The following ADAMTSL3 variants were observed in gnomAD, a reference collection of about 807,000 sequenced individuals.
The protein encoded by ADAMTSL3 is ADAMTS like 3.
ADAMTSL3 carries 128 observed loss-of-function variants against 201.7 expected under a neutral mutation model. The ratio of observed to expected loss-of-function variants is 0.63; its 90% CI spans 0.55 to 0.73. ADAMTSL3 has a LOEUF of 0.73. Ranked by LOEUF, ADAMTSL3 falls within the 30% of genes least tolerant of loss-of-function variation. The probability of loss-of-function intolerance (pLI) is 0.00; values close to 1 mark genes in which losing one functional copy is unlikely to be tolerated. For missense variants in ADAMTSL3, 1,990 were observed against 2,119.6 expected (o/e 0.94, Z 1.20); for synonymous variants, 738 against 748.4 (o/e 0.99, Z 0.23).
intron 28 of ADAMTSL3, among the ~76,000 whole-genome samples, chr15:84,031,908 A>G (rs1051743780): frequency 2.6e-5 from 4 of 152,172 alleles, no homozygotes; most frequent in Non-Finnish European, 4.4e-5. Context: ...ATAAGGGTGG[A>G]GTTTGCTTTC....
intron 7 of ADAMTSL3, among the ~76,000 whole-genome samples, chr15:83,839,982 A>T (rs2064343991): frequency 6.6e-6 from 1 of 152,186 alleles, no homozygotes; most frequent in South Asian, 2.1e-4. Context: ...TGGAGGGTTT[A>T]TCTGAAACAT....
intron 6 of ADAMTSL3, 68 bp downstream of exon 6, chr15:83,820,115 C>G (rs986062896): frequency 5.2e-6 from 7 of 1,352,188 alleles, no homozygotes; most frequent in Admixed American, 1.7e-5. Flanking sequence ...TAAACAGAAC[C>G]CTTTTCTTCT....
rs1423169369 is a variant in ADAMTSL3, at chr15:83,773,670, G to C, written c.317+20G>C. The C allele has an allele frequency of 2.5e-6, 4 of 1,601,048 alleles. No individual in the cohort carries two copies. Among genetic ancestry groups the C allele is most frequent in the Non-Finnish European group, 3.4e-6 (4 of 1,175,594 alleles). ...TGGAAGGTTAGTGGTGGCTTCACTTGCTCCTGCATGTGGAATGTGCCAGTG... is the reference window on the plus strand; with the variant it reads ...TGGAAGGTTAGTGGTGGCTTCACTTCCTCCTGCATGTGGAATGTGCCAGTG... On this transcript the variant is annotated intron_variant, in intron 4 of 29. Coordinates refer to ENST00000286744, the MANE Select transcript of ADAMTSL3 (RefSeq NM_207517.3).
At chr15:83,931,866 G>T (rs1159814264) in intron 17 of ADAMTSL3, among the ~76,000 whole-genome samples, 1 of 152,142 alleles carries the variant, frequency 6.6e-6, no homozygotes, top group Non-Finnish European at 1.5e-5. Context: ...ATGATTTGGG[G>T]AAAGGGAAGA....
At chr15:83,859,126 G>A (rs1299335809) in intron 8 of ADAMTSL3, among the ~76,000 whole-genome samples, 1 of 152,176 alleles carries the variant, frequency 6.6e-6, no homozygotes, top group Non-Finnish European at 1.5e-5. Flanking sequence ...TTACATGTAA[G>A]GATTTTTAAA....
chr15:83,976,893 G>A (rs1056265708), intron 20 of ADAMTSL3, among the ~76,000 whole-genome samples: 4 of 152,088 alleles, frequency 2.6e-5, no homozygotes, highest in African/African-American at 9.7e-5. Context: ...GAGTAAATTG[G>A]CAGAAGTTGA....
intron 2 of ADAMTSL3, among the ~76,000 whole-genome samples, chr15:83,673,791 T>C (rs951034325): frequency 3.9e-5 from 6 of 152,192 alleles, no homozygotes; most frequent in African/African-American, 1.4e-4. Context: ...TGACTGACAA[T>C]CCCTGATAAG....
At chr15:83,794,090 G>A (rs2063385394) in intron 4 of ADAMTSL3, among the ~76,000 whole-genome samples, 1 of 152,170 alleles carries the variant, frequency 6.6e-6, no homozygotes, top group Non-Finnish European at 1.5e-5. Context: ...TTAAGGAAAT[G>A]CAAATTAAAA....
chr15:83,950,732 T>C (rs936618521), intron 19 of ADAMTSL3, among the ~76,000 whole-genome samples: 17 of 152,116 alleles, frequency 1.1e-4, no homozygotes, highest in Admixed American at 2.0e-4. Context: ...TTTGGTTAAG[T>C]TGATTACTTG....
chr15:83,737,936 C>A (rs1015185738), intron 3 of ADAMTSL3, among the ~76,000 whole-genome samples: 7 of 152,102 alleles, frequency 4.6e-5, no homozygotes, highest in Admixed American at 6.6e-5. Flanking sequence ...CACTATTAAG[C>A]CCTGAGAAAA....
chr15:83,666,679 A>T lies in ADAMTSL3; in HGVS notation c.69+10849A>T, dbSNP rs142100632. ...ATAGGGAGACCCCCATCCCTACAAC[A>T]GATAAAGATAAATTATCTGGGCGTG... On this transcript the variant is annotated intron_variant, in intron 2 of 29. Transcript: ENST00000286744. Among the ~76,000 whole-genome samples the T allele has an allele frequency of 7.0e-3, 1,064 of 152,096 alleles. 8 individuals carry two copies. Among genetic ancestry groups the T allele is most frequent in the Non-Finnish European group, 0.012 (834 of 68,000 alleles).
At chr15:83,902,258 A>G (rs550187880) in intron 15 of ADAMTSL3, among the ~76,000 whole-genome samples, 24 of 152,202 alleles carry the variant, frequency 1.6e-4, no homozygotes, top group African/African-American at 5.5e-4. Context: ...CTATCTAGGT[A>G]GGGCACAAGT....
rs907013004 is a variant in ADAMTSL3, at chr15:83,989,367, C to T, written c.3844+549C>T. Among the ~76,000 whole-genome samples the T allele has an allele frequency of 1.3e-4, 20 of 152,162 alleles. No homozygotes were observed. The South Asian group carries it at 2.3e-3, about 17-fold the overall frequency. ...TGTGCCCAGGTTATGCCAATGCTGC[C>T]GGTCTGAGGACCACACTGAAAACAG... On this transcript the variant is annotated intron_variant, in intron 22 of 29. Transcript: ENST00000286744.
At chr15:83,857,510 T>C (rs2064764198) in intron 7 of ADAMTSL3, among the ~76,000 whole-genome samples, 1 of 152,196 alleles carries the variant, frequency 6.6e-6, no homozygotes, top group South Asian at 2.1e-4. Context: ...AGTATGGATG[T>C]TCTTGTTTAT....
intron 2 of ADAMTSL3, among the ~76,000 whole-genome samples, chr15:83,668,055 C>T (rs949660760): frequency 1.3e-5 from 2 of 152,052 alleles, no homozygotes; most frequent in Non-Finnish European, 2.9e-5. Flanking sequence ...TTTTCTGTCT[C>T]GTACCCCATG....
chr15:83,943,028 G>A lies in ADAMTSL3; in HGVS notation c.2436G>A (p.Lys812=), dbSNP rs1418329957. The A allele has an allele frequency of 6.2e-7, 1 of 1,614,066 alleles. No homozygotes were observed. Among genetic ancestry groups the A allele is most frequent in the Non-Finnish European group, 8.5e-7 (1 of 1,179,948 alleles). The stretch of plus-strand genomic sequence containing the variant: ...AAGGACCCAAGGCATCGTCTCACAA[G>A]TCCTGTGCCAGGACAGACTGTCCTC... ...LCQGPKASSH[K]SCARTDCPPH... Residue 812 remains lysine (K), a synonymous_variant, in exon 19 of 30, where the codon AAG becomes AAA. Transcript: ENST00000286744.
chr15:83,825,458 T>A (rs1052208412), intron 6 of ADAMTSL3, among the ~76,000 whole-genome samples: 4 of 151,972 alleles, frequency 2.6e-5, no homozygotes, highest in Non-Finnish European at 4.4e-5. Context: ...AAAAACTTTT[T>A]AAAAATTAGC....
At chr15:84,026,831 A>G (rs2068319705) in intron 27 of ADAMTSL3, among the ~76,000 whole-genome samples, 1 of 152,206 alleles carries the variant, frequency 6.6e-6, no homozygotes, top group Admixed American at 6.5e-5. Flanking sequence ...TTGGAAAAAA[A>G]TATAGGTGTA....
Position 83,982,460 on chromosome 15 carries a change from C to T in ADAMTSL3, c.2832C>T (p.Ile944=), listed in dbSNP as rs182780023. The change falls in exon 21 of 30, where the codon ATC becomes ATT. Residue 944 remains isoleucine, a synonymous_variant. Transcript: ENST00000286744. ...TGCGACGATTCCAGAAATCTCTGAT[C>T]CAGTGGGAGAAGGATGGCCGTTGCC... The part of the protein sequence containing the change: ...CPVRRFQKSL[I]QWEKDGRCLQ... The T allele has an allele frequency of 3.1e-6, 5 of 1,614,170 alleles. No individual in the cohort carries two copies. In the East Asian group the frequency reaches 8.9e-5, roughly 29 times the overall value.
Sources: gnomAD v4.1 joint callset for allele counts (sites outside exome capture counted in the v4.1 genomes callset) on GRCh38, gnomAD v4.1.1 for gene constraint, MANE v1.5 for transcripts, NCBI Gene and HGNC (gene_info 2026-07-23, HGNC 2026-07-21) for gene names.